The following CENPE variants were observed in gnomAD, a reference collection of about 807,000 sequenced individuals.
The protein encoded by CENPE is centromere protein E.
In CENPE, 145 loss-of-function variants were observed where a neutral mutation model predicts 336.1. The observed-to-expected ratio is 0.43, with a 90% confidence interval of 0.38 to 0.50. The LOEUF (loss-of-function observed/expected upper bound fraction) is 0.50. Among genes scored for constraint, CENPE ranks in the 20% least tolerant of loss-of-function variants. CENPE has a pLI of 0.00. For missense variants in CENPE, 2,719 were observed against 3,023.3 expected, an observed-to-expected ratio of 0.90 and a Z score of 2.36; for synonymous variants, 1,013 against 984.8, an observed-to-expected ratio of 1.03 and a Z score of -0.54.
chr4:103,157,099 C>T (rs1023252997), intron 24 of CENPE, among the ~76,000 whole-genome samples: 2 of 145,452 alleles, frequency 1.4e-5, no homozygotes, highest in Non-Finnish European at 3.0e-5. Context: ...AGTGTGTTGG[C>T]AAAGGTGCAT....
At chr4:103,178,039 C>CTT (rs201491418) in intron 13 of CENPE, among the ~76,000 whole-genome samples, 73 of 134,764 alleles carry the variant, frequency 5.4e-4, no homozygotes, top group South Asian at 7.2e-4. Context: ...TGTTGCATGA[C>CTT]TTTTTTTTTT....
intron 43 of CENPE, 81 bp downstream of exon 43, chr4:103,122,790 T>C (rs1358360406): frequency 9.9e-7 from 1 of 1,015,110 alleles, no homozygotes; most frequent in African/African-American, 1.6e-5. Context: ...TCATGTTCAG[T>C]AATAAGTAAA....
intron 46 of CENPE, among the ~76,000 whole-genome samples, chr4:103,113,645 CTT>C (rs1749806401): frequency 7.0e-6 from 1 of 143,544 alleles, no homozygotes; most frequent in South Asian, 2.1e-4. Context: ...ATATTATACA[CTT>C]ATACTATATA....
chr4:103,156,193 C>T (rs916398532), intron 24 of CENPE, among the ~76,000 whole-genome samples: 28 of 152,266 alleles, frequency 1.8e-4, no homozygotes, highest in African/African-American at 6.7e-4. Context: ...TAATCCCTAT[C>T]AAAATCCCAA....
chr4:103,157,299 T>C (rs934809739), intron 24 of CENPE, among the ~76,000 whole-genome samples: 2 of 151,994 alleles, frequency 1.3e-5, no homozygotes, highest in African/African-American at 4.8e-5. Flanking sequence ...CTCACATTCA[T>C]AGGAGCTTTA....
chr4:103,189,999 C>T (rs889955153), intron 8 of CENPE, among the ~76,000 whole-genome samples: 2 of 152,106 alleles, frequency 1.3e-5, no homozygotes, highest in African/African-American at 4.8e-5. Flanking sequence ...ACACCAATAA[C>T]AGACAAACAG....
rs188605900 is a variant in CENPE at position 103,174,022 on chromosome 4, T to C, written c.1647+714A>G. Among the ~76,000 whole-genome samples the C allele has an allele frequency of 1.2e-4, 19 of 152,074 alleles. No individual in the cohort carries two copies. The East Asian group carries it at 3.7e-3, about 29-fold the overall frequency. ...GGGCATGTACCCAAAGGAACTTAAA[T>C]GAGTATGTTCAAGAAATATCTGCAT... On this transcript the variant is annotated intron_variant, in intron 16 of 48. Coordinates refer to ENST00000265148, the MANE Select transcript of CENPE (RefSeq NM_001813.3).
At chr4:103,143,459 G>A in intron 33 of CENPE, 53 bp from the exon 34 acceptor site, 5 of 1,211,104 alleles carry the variant, frequency 4.1e-6, no homozygotes, top group Non-Finnish European at 6.0e-6. Context: ...CCATCCACAT[G>A]CTATAGAAAG....
intron 24 of CENPE, among the ~76,000 whole-genome samples, chr4:103,157,977 A>G (rs1754097601): frequency 6.6e-6 from 1 of 151,928 alleles, no homozygotes; most frequent in Non-Finnish European, 1.5e-5. Flanking sequence ...AAACCCTGGT[A>G]TAACGTTATA....
At chr4:103,135,425 A>G (rs1429248851) in intron 40 of CENPE, among the ~76,000 whole-genome samples, 1 of 152,192 alleles carries the variant, frequency 6.6e-6, no homozygotes, top group African/African-American at 2.4e-5. Context: ...TGGTACCACT[A>G]TCGACAAACC....
intron 2 of CENPE, 137 bp from the exon 3 acceptor site, chr4:103,196,389 T>G: frequency 1.4e-6 from 1 of 709,092 alleles, no homozygotes; most frequent in Non-Finnish European, 2.3e-6. Context: ...GACACAGTAT[T>G]TTTTTCAACT....
chr4:103,140,851 T>C lies in CENPE; in HGVS notation c.5717A>G (p.Asp1906Gly). The C allele has an allele frequency of 6.2e-7, 1 of 1,602,044 alleles. No individual in the cohort carries two copies. Among genetic ancestry groups the C allele is most frequent in the South Asian group, 1.1e-5 (1 of 88,154 alleles). ...TTCTTGCAGGCTTTCCTTGAGTTGG[T>C]CTCTCTCCAGTTTGAGTGTCTCCTC... ...RVEETLKLER[D>G]QLKESLQETK... Residue 1906 changes from aspartate to glycine, a missense_variant, in exon 36 of 49, where the codon GAC (aspartate) becomes GGC (glycine). By Grantham distance (94) the Asp-to-Gly change is moderately conservative. Around this residue, in one of 5 missense-constraint regions of CENPE, gnomAD observed 2,437 missense variants for 2,513.3 expected, o/e 0.97. Coordinates refer to ENST00000265148, the MANE Select transcript of CENPE (RefSeq NM_001813.3).
At position 103,154,714 on chromosome 4, in the gene CENPE, A is replaced by C. The variant is rs530498480; in HGVS notation, c.3034-1464T>G. Among the ~76,000 whole-genome samples the C allele has an allele frequency of 2.0e-5, 3 of 152,352 alleles. No homozygotes were observed. The South Asian group carries it at 6.2e-4, about 32-fold the overall frequency. On this transcript the variant is annotated intron_variant, in intron 24 of 48. Coordinates refer to ENST00000265148, the MANE Select transcript of CENPE (RefSeq NM_001813.3). ...AGAAGGTACTTCAACTACCACAGTT[A>C]TGAATAAAATCTAATAGATCTAATT...
intron 9 of CENPE, among the ~76,000 whole-genome samples, chr4:103,184,068 C>A (rs1295130068): frequency 6.6e-6 from 1 of 151,980 alleles, no homozygotes; most frequent in Non-Finnish European, 1.5e-5. Flanking sequence ...ACTGCCTATA[C>A]AAAAAAAATT....
chr4:103,130,343 T>C lies in CENPE; in HGVS notation c.6924+2350A>G, dbSNP rs115859644. Among the ~76,000 whole-genome samples, 439 of 152,332 alleles carry C rather than the reference T, an allele frequency of 2.9e-3. 4 individuals are homozygous for C. The highest frequency in any genetic ancestry group is 0.01 in the African/African-American group (430 of 41,572). ...AAAGTTGCAGGATAAAAAGTCAATA[T>C]ACGAAAGTTAATAGCTTTCCTGTAT... On this transcript the variant is annotated intron_variant, in intron 42 of 48. Coordinates refer to ENST00000265148, the MANE Select transcript of CENPE (RefSeq NM_001813.3).
At chr4:103,184,546 G>T (rs564196295) in intron 9 of CENPE, among the ~76,000 whole-genome samples, 2 of 152,026 alleles carry the variant, frequency 1.3e-5, no homozygotes, top group East Asian at 3.9e-4. Flanking sequence ...ATATGGATCC[G>T]ACTTAATTTT....
intron 16 of CENPE, among the ~76,000 whole-genome samples, chr4:103,168,041 G>A (rs116626910): frequency 0.01 from 1,540 of 152,138 alleles, 25 homozygotes; most frequent in African/African-American, 0.034. Flanking sequence ...CAGGCTTGCC[G>A]GCCTCTGTCT....
chr4:103,140,094 A>T lies in CENPE; in HGVS notation c.5914-15T>A. The T allele has an allele frequency of 6.3e-7, 1 of 1,586,368 alleles. No homozygotes were observed. Among genetic ancestry groups the T allele is most frequent in the Non-Finnish European group, 8.6e-7 (1 of 1,167,726 alleles). On this transcript the variant is annotated splice_polypyrimidine_tract_variant and intron_variant, in intron 37 of 48. Transcript: ENST00000265148. ...AGTTCTTGGATCTTGAGATAATTGT[A>T]AAACAAGTTAGAATGTAAGCAGTTT...
Position 103,181,232 on chromosome 4 carries a change from T to TA in CENPE, c.1083+104_1083+105insT, listed in dbSNP as rs1468030366. The TA allele has an allele frequency of 5.3e-6, 4 of 749,152 alleles. No individual in the cohort carries two copies. The African/African-American group carries it at 7.3e-5, about 14-fold the overall frequency. The allele number at this position is 749,152 out of a possible 1,614,324, so 46.4% of individuals were successfully genotyped here. A position where few individuals can be genotyped will look rare whatever the true frequency, so the allele number is the denominator to read the frequency against. ...TTTAAAAGTGATTAAAAACCTAAGT[T>TA]GTAGCAACTCAGATATTCAGGAATG... On this transcript the variant is annotated intron_variant, in intron 12 of 48. Transcript: ENST00000265148.
Sources: allele counts gnomAD v4.1 joint callset (sites outside exome capture counted in the v4.1 genomes callset), GRCh38; gene constraint gnomAD v4.1.1; regional missense constraint gnomAD v4.1.1; transcripts MANE v1.5; gene names NCBI Gene and HGNC (gene_info 2026-07-23, HGNC 2026-07-21).